Variants in CTNND2 observed in about 807,000 individuals in gnomAD.
CTNND2 encodes the protein catenin delta 2, also known as catenin delta-2.
CTNND2 carries 22 observed loss-of-function variants against 144.4 expected under a neutral mutation model. The ratio of observed to expected loss-of-function variants is 0.15; its 90% CI spans 0.11 to 0.22. CTNND2 has a LOEUF of 0.22. Among genes scored for constraint, CTNND2 ranks in the 10% least tolerant of loss-of-function variants. The probability of loss-of-function intolerance (pLI) is 1.00; values close to 1 mark genes in which losing one functional copy is unlikely to be tolerated. For synonymous variants in CTNND2, 751 were observed against 695.6 expected (o/e 1.08, Z -1.25); for missense variants, 1,353 against 1,618.8 (o/e 0.84, Z 2.82).
chr5:11,500,532 A>C (rs1311468696), intron 3 of CTNND2, among the ~76,000 whole-genome samples: 1 of 152,236 alleles, frequency 6.6e-6, no homozygotes, highest in Non-Finnish European at 1.5e-5. Flanking sequence ...CCAAAGACTG[A>C]TAATAAAAAC....
chr5:11,098,806 T>C (rs1006969231), intron 14 of CTNND2, 58 bp from the exon 15 acceptor site: 2 of 1,558,058 alleles, frequency 1.3e-6, no homozygotes, highest in East Asian at 2.3e-5. Context: ...TTCCCAACTT[T>C]GCCTTCCTCA....
chr5:11,110,489 C>T (rs1024183788), intron 14 of CTNND2, among the ~76,000 whole-genome samples: 2 of 152,090 alleles, frequency 1.3e-5, no homozygotes, highest in African/African-American at 2.4e-5. Context: ...CTTCTTATAC[C>T]ACATCTCCTG....
intron 1 of CTNND2, among the ~76,000 whole-genome samples, chr5:11,746,103 C>T (rs1010115208): frequency 6.6e-6 from 1 of 152,136 alleles, no homozygotes; most frequent in Non-Finnish European, 1.5e-5. Flanking sequence ...GCCCACACAT[C>T]TCCACTCTTA....
At chr5:11,554,101 G>C (rs1296734445) in intron 3 of CTNND2, among the ~76,000 whole-genome samples, 1 of 152,062 alleles carries the variant, frequency 6.6e-6, no homozygotes, top group Non-Finnish European at 1.5e-5. Context: ...TTAATATGAT[G>C]ACTGGTATTT....
At chr5:11,817,798 A>G (rs1793074103) in intron 1 of CTNND2, among the ~76,000 whole-genome samples, 2 of 152,104 alleles carry the variant, frequency 1.3e-5, no homozygotes, top group Non-Finnish European at 2.9e-5. Context: ...TATGTTGAAC[A>G]CCAGCAGAAG....
At chr5:11,530,719 A>T (rs1045910622) in intron 3 of CTNND2, among the ~76,000 whole-genome samples, 2 of 152,150 alleles carry the variant, frequency 1.3e-5, no homozygotes, top group African/African-American at 4.8e-5. Context: ...CTGATCACAT[A>T]TATATCTTAA....
intron 2 of CTNND2, among the ~76,000 whole-genome samples, chr5:11,611,617 C>T (rs908390611): frequency 6.6e-6 from 1 of 151,904 alleles, no homozygotes; most frequent in Non-Finnish European, 1.5e-5. Context: ...GACTCTAATA[C>T]AAATACAAAA....
chr5:11,307,304 AGTGTGT>A (rs3033112), intron 9 of CTNND2, among the ~76,000 whole-genome samples: 53,090 of 146,292 alleles, frequency 0.36, 9,526 homozygotes, highest in Admixed American at 0.45. Flanking sequence ...AAGGTAGAGT[AGTGTGT>A]GTGTGTGTGT....
In CTNND2 at chr5:11,753,134, C is replaced by G. The variant is rs377087640; in HGVS notation, c.38-20862G>C. Among the ~76,000 whole-genome samples the G allele has an allele frequency of 1.8e-3, 271 of 151,772 alleles. 1 individual carries two copies. Among genetic ancestry groups the G allele is most frequent in the African/African-American group, 6.4e-3 (264 of 41,488 alleles). ...TCATATTGTCTGCAAGCAGAGAAAG[C>G]CTGACTTCCTCTCTTCCTATTTGGA... On this transcript the variant is annotated intron_variant, in intron 1 of 21. Coordinates refer to ENST00000304623, the MANE Select transcript of CTNND2 (RefSeq NM_001332.4).
chr5:11,823,191 A>C (rs1561834985), intron 1 of CTNND2, among the ~76,000 whole-genome samples: 1 of 152,254 alleles, frequency 6.6e-6, no homozygotes, highest in African/African-American at 2.4e-5. Context: ...AATGAGGATT[A>C]AAGACCTGCA....
At chr5:11,369,812 G>A (rs1311534508) in intron 7 of CTNND2, among the ~76,000 whole-genome samples, 1 of 152,204 alleles carries the variant, frequency 6.6e-6, no homozygotes, top group East Asian at 1.9e-4. Flanking sequence ...CTGAGCACCT[G>A]ACATTTTAGC....
At chr5:11,191,709 C>T (rs1461068500) in intron 11 of CTNND2, among the ~76,000 whole-genome samples, 1 of 152,218 alleles carries the variant, frequency 6.6e-6, no homozygotes, top group African/African-American at 2.4e-5. Context: ...CTGACAGCTC[C>T]CACCACATCC....
chr5:11,335,790 G>A (rs1753671569), intron 9 of CTNND2, among the ~76,000 whole-genome samples: 1 of 152,038 alleles, frequency 6.6e-6, no homozygotes, highest in Non-Finnish European at 1.5e-5. Context: ...TGTGCCAGAT[G>A]GAAAATTGAA....
chr5:11,860,115 C>T (rs1392483365), intron 1 of CTNND2, among the ~76,000 whole-genome samples: 1 of 152,170 alleles, frequency 6.6e-6, no homozygotes, highest in East Asian at 1.9e-4. Flanking sequence ...TTGGTTTATG[C>T]TACAATTAAA....
intron 2 of CTNND2, among the ~76,000 whole-genome samples, chr5:11,609,700 A>G (rs925554061): frequency 2.2e-4 from 34 of 152,312 alleles, no homozygotes; most frequent in African/African-American, 8.2e-4. Context: ...TGCCTTGTCC[A>G]TGTGTCTGAG....
chr5:11,765,242 T>C (rs997588456), intron 1 of CTNND2, among the ~76,000 whole-genome samples: 2 of 152,058 alleles, frequency 1.3e-5, no homozygotes, highest in African/African-American at 4.8e-5. Context: ...TAGACTGGGA[T>C]GGTAAGGTCA....
At chr5:11,621,423 A>G (rs1780832621) in intron 2 of CTNND2, among the ~76,000 whole-genome samples, 1 of 152,116 alleles carries the variant, frequency 6.6e-6, no homozygotes, top group South Asian at 2.1e-4. Context: ...ATTAATGCAG[A>G]GTTGATTCCA....
chr5:11,469,652 C>T (rs1293207141), intron 3 of CTNND2, among the ~76,000 whole-genome samples: 2 of 152,204 alleles, frequency 1.3e-5, no homozygotes, highest in Non-Finnish European at 2.9e-5. Flanking sequence ...GCCAGCTTCT[C>T]AGAAAATTCT....
intron 5 of CTNND2, among the ~76,000 whole-genome samples, chr5:11,402,046 TC>T (rs1760692364): frequency 1.3e-5 from 2 of 152,180 alleles, no homozygotes; most frequent in Admixed American, 6.5e-5. Flanking sequence ...ATTCATGCTT[TC>T]TTTCAACAAC....
Sources: allele counts gnomAD v4.1 joint callset (sites outside exome capture counted in the v4.1 genomes callset), GRCh38; gene constraint gnomAD v4.1.1; transcripts MANE v1.5; gene names NCBI Gene and HGNC (gene_info 2026-07-23, HGNC 2026-07-21).